Variants in GPC5 observed in about 807,000 individuals in gnomAD.
The protein encoded by GPC5 is glypican-5.
In GPC5, 47 loss-of-function variants were observed where a neutral mutation model predicts 53.9. That is an observed-to-expected ratio of 0.87 (90% CI 0.69 to 1.11). The LOEUF is 1.11. Ranked by LOEUF, GPC5 falls within the 50% of genes most tolerant of loss-of-function variation. GPC5 has a pLI of 0.00. For synonymous variants in GPC5, 286 were observed against 263.3 expected, an observed-to-expected ratio of 1.09 and a Z score of -0.84; for missense variants, 748 against 713.1, an observed-to-expected ratio of 1.05 and a Z score of -0.56.
At chr13:92,017,683 C>T (rs2040718858) in intron 6 of GPC5, among the ~76,000 whole-genome samples, 1 of 152,042 alleles carries the variant, frequency 6.6e-6, no homozygotes, top group Non-Finnish European at 1.5e-5. Context: ...TTTTAGAAAT[C>T]ATAAGACCCA....
chr13:91,902,524 G>A (rs2039507664), intron 5 of GPC5, among the ~76,000 whole-genome samples: 1 of 151,916 alleles, frequency 6.6e-6, no homozygotes, highest in Non-Finnish European at 1.5e-5. Flanking sequence ...CAGATGGTGG[G>A]TCTATTACTT....
chr13:92,425,874 T>C (rs551189892), intron 7 of GPC5, among the ~76,000 whole-genome samples: 5 of 152,218 alleles, frequency 3.3e-5, no homozygotes, highest in African/African-American at 1.2e-4. Context: ...AACACTAGCA[T>C]GTTAGGCAAA....
chr13:92,409,288 T>C (rs1875940118), intron 7 of GPC5, among the ~76,000 whole-genome samples: 1 of 151,812 alleles, frequency 6.6e-6, no homozygotes, highest in Non-Finnish European at 1.5e-5. Context: ...AAAATATAAT[T>C]ATAAAAATAC....
chr13:92,051,434 T>C (rs1022318926), intron 6 of GPC5, among the ~76,000 whole-genome samples: 1 of 151,478 alleles, frequency 6.6e-6, no homozygotes, highest in Non-Finnish European at 1.5e-5. Context: ...TCTCTTGACC[T>C]TGTGATCCAT....
chr13:92,069,067 C>T (rs1284074110), intron 6 of GPC5, among the ~76,000 whole-genome samples: 6 of 151,924 alleles, frequency 3.9e-5, no homozygotes, highest in Non-Finnish European at 7.4e-5. Context: ...AATCCAACTT[C>T]GTTTATTTGT....
intron 7 of GPC5, among the ~76,000 whole-genome samples, chr13:92,452,550 G>A (rs114478130): frequency 2.6e-4 from 39 of 149,996 alleles, no homozygotes; most frequent in African/African-American, 9.0e-4. Context: ...AAGCTACAAG[G>A]AAGGTATAAT....
At chr13:91,705,281 T>G in intron 3 of GPC5, among the ~76,000 whole-genome samples, 1 of 152,236 alleles carries the variant, frequency 6.6e-6, no homozygotes, top group East Asian at 1.9e-4. Flanking sequence ...CATCTAACTC[T>G]TTAGCACCTA....
chr13:92,258,472 T>C (rs2042742615), intron 7 of GPC5, among the ~76,000 whole-genome samples: 1 of 152,224 alleles, frequency 6.6e-6, no homozygotes, highest in Non-Finnish European at 1.5e-5. Context: ...GAAATGTGTA[T>C]ATAAATATGT....
chr13:92,408,853 C>A (rs868565602), intron 7 of GPC5, among the ~76,000 whole-genome samples: 1 of 151,872 alleles, frequency 6.6e-6, no homozygotes, highest in Admixed American at 6.6e-5. Flanking sequence ...TAAAATCCCC[C>A]TAAGGTACAT....
At chr13:92,522,105 A>C (rs1881077797) in intron 7 of GPC5, among the ~76,000 whole-genome samples, 1 of 152,210 alleles carries the variant, frequency 6.6e-6, no homozygotes, top group African/African-American at 2.4e-5. Context: ...GATCGTTAAA[A>C]AGTCAGGAAA....
At chr13:92,374,880 T>G (rs1392854077) in intron 7 of GPC5, among the ~76,000 whole-genome samples, 2 of 135,068 alleles carry the variant, frequency 1.5e-5, no homozygotes, top group South Asian at 4.8e-4. Flanking sequence ...AAAAAAAAAA[T>G]AAAAAAAAAA....
At chr13:92,596,465 G>A (rs959413916) in intron 7 of GPC5, among the ~76,000 whole-genome samples, 1 of 151,666 alleles carries the variant, frequency 6.6e-6, no homozygotes, top group Admixed American at 6.6e-5. Flanking sequence ...TATATATTCA[G>A]TATAATAATA....
chr13:91,692,077 A>G (rs1157348960), intron 2 of GPC5, among the ~76,000 whole-genome samples: 4 of 152,130 alleles, frequency 2.6e-5, no homozygotes, highest in Middle Eastern at 3.4e-3. Context: ...CCAACTTTCT[A>G]TTTTTAGATT....
chr13:91,457,478 A>G (rs1251030016), intron 2 of GPC5, among the ~76,000 whole-genome samples: 1 of 152,146 alleles, frequency 6.6e-6, no homozygotes, highest in East Asian at 1.9e-4. Flanking sequence ...TGTGGCATAT[A>G]GCACATGACA....
chr13:92,198,261 T>A (rs906034604), intron 7 of GPC5, among the ~76,000 whole-genome samples: 1 of 152,230 alleles, frequency 6.6e-6, no homozygotes, highest in Non-Finnish European at 1.5e-5. Context: ...GCTACCTTCA[T>A]GAGAACAGCA....
At chr13:92,328,256 T>G (rs2043265461) in intron 7 of GPC5, among the ~76,000 whole-genome samples, 3 of 152,154 alleles carry the variant, frequency 2.0e-5, no homozygotes, top group Admixed American at 2.0e-4. Context: ...GTGATTTTCT[T>G]GGGTAGGCAA....
intron 5 of GPC5, among the ~76,000 whole-genome samples, chr13:91,761,211 C>G: frequency 6.6e-6 from 1 of 152,118 alleles, no homozygotes; most frequent in South Asian, 2.1e-4. Context: ...GTAACTGTCC[C>G]TCAGTCTCCA....
At chr13:92,097,203 C>A (rs868302118) in intron 6 of GPC5, among the ~76,000 whole-genome samples, 1 of 152,068 alleles carries the variant, frequency 6.6e-6, no homozygotes, top group South Asian at 2.1e-4. Context: ...CACTGTTATG[C>A]GGAAAGGAGA....
At chr13:92,390,334 A>G (rs2139322656) in intron 7 of GPC5, among the ~76,000 whole-genome samples, 1 of 152,282 alleles carries the variant, frequency 6.6e-6, no homozygotes, top group East Asian at 1.9e-4. Context: ...CCTATAAAAA[A>G]GAAAATACGG....
Sources: allele counts gnomAD v4.1 joint callset (sites outside exome capture counted in the v4.1 genomes callset), GRCh38; gene constraint gnomAD v4.1.1; transcripts MANE v1.5; gene names NCBI Gene and HGNC (gene_info 2026-07-23, HGNC 2026-07-21).